Variants in PARPBP observed in about 807,000 individuals in gnomAD.
PARPBP encodes PCNA-interacting partner.
Under a neutral mutation model 50.0 loss-of-function variants are expected in PARPBP, and 52 were observed. The observed-to-expected ratio is 1.04, with a 90% CI of 0.83 to 1.31. PARPBP has a LOEUF of 1.31. Ranked by LOEUF, PARPBP falls within the 50% of genes most tolerant of loss-of-function variation. The pLI is 0.00. For synonymous variants in PARPBP, 244 were observed against 232.1 expected (o/e 1.05, Z -0.47); for missense variants, 697 against 672.0 (o/e 1.04, Z -0.41).
chr12:102,175,625 G>A lies in PARPBP; in HGVS notation c.964G>A (p.Gly322Ser). 6.2e-7 allele frequency: 1 copy of A among 1,613,556 alleles called. No homozygotes were observed. The change falls in exon 7 of 11, where the codon GGT (glycine) becomes AGT (serine). Residue 322 changes from glycine to serine, a missense_variant. Transcript: ENST00000327680. ...RIKNIINSQE[G>S]VVALSTTDIS... ...TAAAAATATTATCAATTCTCAAGAA[G>A]GTGTTGTAGCTCTTAGCACCACTGA... is the stretch of plus-strand genomic sequence containing the variant.
intron 9 of PARPBP, among the ~76,000 whole-genome samples, chr12:102,189,946 A>G (rs777333993): frequency 6.6e-6 from 1 of 152,046 alleles, no homozygotes; most frequent in Non-Finnish European, 1.5e-5. Flanking sequence ...CTGCATGTAT[A>G]TTTCTCTCTT....
chr12:102,146,695 A>T (rs1425126344), intron 2 of PARPBP, among the ~76,000 whole-genome samples: 1 of 152,008 alleles, frequency 6.6e-6, no homozygotes, highest in Non-Finnish European at 1.5e-5. Context: ...AGCAATGGCA[A>T]CAAAAGCCAA....
intron 2 of PARPBP, among the ~76,000 whole-genome samples, chr12:102,143,437 G>A (rs1324814002): frequency 6.6e-6 from 1 of 152,176 alleles, no homozygotes; most frequent in African/African-American, 2.4e-5. Flanking sequence ...CGCTTCCCGG[G>A]TGAGATGATG....
chr12:102,123,594 A>G (rs1881494380), intron 1 of PARPBP, among the ~76,000 whole-genome samples: 1 of 151,566 alleles, frequency 6.6e-6, no homozygotes, highest in Non-Finnish European at 1.5e-5. Context: ...ATTTGTAATT[A>G]TAAGTTTGCA....
intron 4 of PARPBP, chr12:102,154,689 T>C (rs1164820442): frequency 2.7e-6 from 1 of 369,712 alleles, no homozygotes; most frequent in African/African-American, 2.1e-5. Context: ...ACATGACAGA[T>C]AGAGAAGGAA....
intron 9 of PARPBP, among the ~76,000 whole-genome samples, chr12:102,192,587 C>G (rs2137432763): frequency 6.6e-6 from 1 of 152,174 alleles, no homozygotes; most frequent in South Asian, 2.1e-4. Flanking sequence ...TCCTGTACCT[C>G]TGTAATTGAT....
rs753181434 is a variant in PARPBP, at chr12:102,175,565, A to T, written c.904A>T (p.Ile302Leu). ...QNSRDPFCKA[I>L]EEVAQDLDLR... ...CAGCAGGGATCCTTTTTGCAAAGCA[A>T]TAGAGGAAGTTGCTCAGGATTTGGA... Residue 302 changes from isoleucine (I) to leucine (L), a missense_variant, in exon 7 of 11, where the codon ATA (isoleucine) becomes TTA (leucine). Transcript: ENST00000327680. 6.2e-7 allele frequency: 1 copy of T among 1,613,374 alleles called. No individual in the cohort carries two copies. The highest frequency in any genetic ancestry group is 8.5e-7 in the Non-Finnish European group (1 of 1,179,318).
intron 2 of PARPBP, among the ~76,000 whole-genome samples, chr12:102,132,283 A>G (rs1305043487): frequency 6.6e-6 from 1 of 152,144 alleles, no homozygotes; most frequent in Non-Finnish European, 1.5e-5. Context: ...ACCTGCACAT[A>G]TACCCCTGAA....
At position 102,197,396 on chromosome 12, in the gene PARPBP, C is replaced by A; in HGVS notation, c.*1105C>A. On this transcript the variant is annotated 3_prime_UTR_variant, in exon 11 of 11. Transcript: ENST00000327680. Reference sequence around the variant, plus strand: ...CATGTAAGAAATATCGTCAGTCGTCCTAATGCATATTGTGACTGTTTGCAT... The same window carrying A: ...CATGTAAGAAATATCGTCAGTCGTCATAATGCATATTGTGACTGTTTGCAT... The A allele has an allele frequency of 1.1e-6, 1 of 905,012 alleles. No homozygotes were observed. The highest frequency in any genetic ancestry group is 1.7e-6 in the Non-Finnish European group (1 of 594,946). The allele number at this position is 905,012 out of a possible 1,614,324, so 56.1% of individuals were successfully genotyped here.
intron 4 of PARPBP, among the ~76,000 whole-genome samples, chr12:102,160,787 A>G (rs1433724250): frequency 6.6e-6 from 1 of 152,036 alleles, no homozygotes; most frequent in Non-Finnish European, 1.5e-5. Context: ...CGTCTCTACT[A>G]AAAATACAAA....
intron 2 of PARPBP, among the ~76,000 whole-genome samples, chr12:102,135,142 C>T (rs1308525447): frequency 1.3e-5 from 2 of 152,012 alleles, no homozygotes; most frequent in Admixed American, 1.3e-4. Context: ...GAAAATCATA[C>T]AAATTTAATA....
At chr12:102,127,344 A>G (rs904132358) in intron 2 of PARPBP, among the ~76,000 whole-genome samples, 3 of 152,058 alleles carry the variant, frequency 2.0e-5, no homozygotes, top group Non-Finnish European at 2.9e-5. Flanking sequence ...CTGTGAGCCA[A>G]GATCACTCCA....
rs1885708925 is a variant in PARPBP at position 102,148,355 on chromosome 12, G to T, written c.279G>T (p.Lys93Asn). The T allele has an allele frequency of 6.3e-7, 1 of 1,586,108 alleles. No individual in the cohort carries two copies. Among genetic ancestry groups the T allele is most frequent in the Non-Finnish European group, 8.7e-7 (1 of 1,154,958 alleles). Residue 93 changes from lysine to asparagine, a missense_variant, in exon 3 of 11, where the codon AAG becomes AAT. Lys to Asn is a moderately conservative substitution (Grantham distance 94, BLOSUM62 0). Coordinates refer to ENST00000327680, the MANE Select transcript of PARPBP (RefSeq NM_017915.5). ...DVTDHYEDVRKIYDDFLKNSN... is the reference protein window; with the variant it reads ...DVTDHYEDVRNIYDDFLKNSN... Reference sequence around the variant, plus strand: ...CTGACCATTATGAGGACGTTAGGAAGATTTATGATGATTTCTTGAAGAACA... The same window carrying T: ...CTGACCATTATGAGGACGTTAGGAATATTTATGATGATTTCTTGAAGAACA...
chr12:102,129,455 T>G (rs1156392001), intron 2 of PARPBP, among the ~76,000 whole-genome samples: 1 of 152,224 alleles, frequency 6.6e-6, no homozygotes, highest in Admixed American at 6.5e-5. Flanking sequence ...GTTTTTAGTT[T>G]GATATAATCC....
intron 3 of PARPBP, chr12:102,151,439 C>T: frequency 1.6e-6 from 1 of 640,518 alleles, no homozygotes; most frequent in Non-Finnish European, 2.7e-6. Context: ...TAAAATGTAG[C>T]ACCTCTGCAG....
rs181746740 is a variant in PARPBP at position 102,151,225 on chromosome 12, T to C, written c.388-2644T>C. On this transcript the variant is annotated intron_variant, in intron 3 of 10. Coordinates refer to ENST00000327680, the MANE Select transcript of PARPBP (RefSeq NM_017915.5). The stretch of plus-strand genomic sequence containing the variant: ...CAAGAATAGCACCTCAACATAAAAC[T>C]ATGGATCTGGCAAAAAAGAAGGCAG... Among the ~76,000 whole-genome samples the C allele has an allele frequency of 1.7e-3, 262 of 152,056 alleles. 1 individual carries two copies. The highest frequency in any genetic ancestry group is 4.2e-3 in the Admixed American group (64 of 15,276).
intron 4 of PARPBP, among the ~76,000 whole-genome samples, chr12:102,161,730 G>A (rs192406203): frequency 5.4e-4 from 82 of 152,066 alleles, no homozygotes; most frequent in Non-Finnish European, 1.0e-3. Flanking sequence ...AGATTAGGCT[G>A]GGCAACATAG....
chr12:102,191,541 C>T (rs1026924971), intron 9 of PARPBP, among the ~76,000 whole-genome samples: 2 of 152,104 alleles, frequency 1.3e-5, no homozygotes, highest in African/African-American at 2.4e-5. Context: ...TTAGAACTTT[C>T]ATTTTCGTGT....
intron 9 of PARPBP, among the ~76,000 whole-genome samples, chr12:102,185,977 T>C (rs937424556): frequency 3.9e-5 from 6 of 152,138 alleles, no homozygotes; most frequent in Non-Finnish European, 8.8e-5. Context: ...TTAGTACAGC[T>C]TCAGTCTCAT....
Sources: gnomAD v4.1 joint callset for allele counts (sites outside exome capture counted in the v4.1 genomes callset) on GRCh38, gnomAD v4.1.1 for gene constraint, MANE v1.5 for transcripts, NCBI Gene and HGNC (gene_info 2026-07-23, HGNC 2026-07-21) for gene names.